The following TREM2 variants were observed in gnomAD, a reference collection of about 807,000 sequenced individuals.
The protein encoded by TREM2 is triggering receptor expressed on monocytes 2.
TREM2 carries 20 observed loss-of-function variants against 22.9 expected under a neutral mutation model. The ratio of observed to expected loss-of-function variants is 0.87; its 90% CI spans 0.61 to 1.27. The LOEUF (loss-of-function observed/expected upper bound fraction) is 1.27. Among genes scored for constraint, TREM2 ranks in the 50% most tolerant of loss-of-function variants. The pLI, the probability that TREM2 is intolerant of heterozygous loss-of-function variation, is 0.00. For synonymous variants in TREM2, 111 were observed against 120.9 expected, an observed-to-expected ratio of 0.92 and a Z score of 0.54; for missense variants, 267 against 289.0, an observed-to-expected ratio of 0.92 and a Z score of 0.55.
At position 41,159,040 on chromosome 6, in the gene TREM2, A is replaced by G; in HGVS notation, c.509T>C (p.Phe170Ser). The G allele has an allele frequency of 1.2e-6, 2 of 1,613,880 alleles. No homozygotes were observed. Among genetic ancestry groups the G allele is most frequent in the Middle Eastern group, 1.7e-4 (1 of 6,030 alleles). Residue 170 changes from phenylalanine to serine, a missense_variant, in exon 4 of 5, where the codon TTC becomes TCC. Transcript: ENST00000373113. ...SRSLLEGEIP[F>S]PPTSILLLLA... ...GAGGAGAAGGATGGAAGTGGGTGGG[A>G]AGGGGATTTCTCCTTCCAAGAGGCT...
At chr6:41,159,923 T>G in intron 2 of TREM2, 41 bp from the exon 3 acceptor site, 1 of 1,559,112 alleles carries the variant, frequency 6.4e-7, no homozygotes, top group Non-Finnish European at 8.8e-7. Flanking sequence ...CCCTTCCTCC[T>G]CGAGGCAGGG....
intron 3 of TREM2, among the ~76,000 whole-genome samples, chr6:41,159,434 G>A (rs1017190081): frequency 2.0e-5 from 3 of 152,208 alleles, no homozygotes; most frequent in Non-Finnish European, 4.4e-5. Context: ...TACCAATGAA[G>A]CAGAGATCTG....
intron 1 of TREM2, 90 bp downstream of exon 1, chr6:41,162,953 A>G: frequency 6.3e-7 from 1 of 1,580,054 alleles, no homozygotes; most frequent in East Asian, 2.2e-5. Context: ...CACCGCCTTC[A>G]TAATTCACCC....
chr6:41,159,139 G>T, intron 3 of TREM2, 73 bp from the exon 4 acceptor site: 1 of 1,538,260 alleles, frequency 6.5e-7, no homozygotes, highest in South Asian at 1.2e-5. Flanking sequence ...AGGGAATGGG[G>T]AGAAACCAGG....
chr6:41,159,629 C>T (rs1199969419), intron 3 of TREM2, among the ~76,000 whole-genome samples, 163 bp downstream of exon 3: 1 of 152,172 alleles, frequency 6.6e-6, no homozygotes, highest in Non-Finnish European at 1.5e-5. Flanking sequence ...AACTAACTAA[C>T]ATGTAGCAGC....
intron 2 of TREM2, among the ~76,000 whole-genome samples, chr6:41,160,821 G>C (rs775934911): frequency 4.6e-5 from 7 of 152,212 alleles, no homozygotes; most frequent in Non-Finnish European, 1.0e-4. Context: ...TTCTGCACCA[G>C]GTTGGTGCTT....
chr6:41,158,706 C>G lies in TREM2; in HGVS notation c.*58G>C. 6.2e-7 allele frequency: 1 copy of G among 1,614,208 alleles called. No homozygotes were observed. The highest frequency in any genetic ancestry group is 8.5e-7 in the Non-Finnish European group (1 of 1,180,034). On this transcript the variant is annotated 3_prime_UTR_variant, in exon 5 of 5. Coordinates refer to ENST00000373113, the MANE Select transcript of TREM2 (RefSeq NM_018965.4). ...TCCTGGTGGCCAAGTGGCAAGTATG[C>G]AGGCTGGGCTGGTCCCTGGTGGGAC... is the stretch of plus-strand genomic sequence containing the variant.
chr6:41,161,137 A>C, intron 2 of TREM2, 126 bp downstream of exon 2: 1 of 874,000 alleles, frequency 1.1e-6, no homozygotes, highest in Admixed American at 2.1e-5. Flanking sequence ...CTGAGTAGGG[A>C]GATGAGACCA....
At position 41,159,172 on chromosome 6, in the gene TREM2, C is replaced by T. The variant is rs141985285; in HGVS notation, c.483-106G>A. ...AGGAGCTTCTAGGACCTCAGCAAATCCCACCCAGCACCATCCCTGGGATGG... is the reference window on the plus strand; with the variant it reads ...AGGAGCTTCTAGGACCTCAGCAAATTCCACCCAGCACCATCCCTGGGATGG... On this transcript the variant is annotated intron_variant, in intron 3 of 4. Coordinates refer to ENST00000373113, the MANE Select transcript of TREM2 (RefSeq NM_018965.4). 16,514 of 1,399,238 alleles carry T rather than the reference C, an allele frequency of 0.012. 117 individuals are homozygous for T. Among genetic ancestry groups the T allele is most frequent in the Middle Eastern group, 0.016 (67 of 4,104 alleles). The allele number at this position is 1,399,238 out of a possible 1,614,324, so 86.7% of individuals were successfully genotyped here.
rs1765483039 is a variant in TREM2 at position 41,158,796 on chromosome 6, G to A, written c.677-16C>T. The stretch of plus-strand genomic sequence containing the variant: ...TCTCTCAGCCCTGCAATAGTCCAAG[G>A]ACTCATGTGGCCCCTCTCGGCACCG... On this transcript the variant is annotated splice_polypyrimidine_tract_variant and intron_variant, in intron 4 of 4. Transcript: ENST00000373113. 6.2e-7 allele frequency: 1 copy of A among 1,614,038 alleles called. No homozygotes were observed. Among genetic ancestry groups the A allele is most frequent in the East Asian group, 2.2e-5 (1 of 44,884 alleles).
chr6:41,160,538 G>A (rs1765535380), intron 2 of TREM2, among the ~76,000 whole-genome samples: 1 of 152,066 alleles, frequency 6.6e-6, no homozygotes, highest in South Asian at 2.1e-4. Flanking sequence ...TTCCTGGAGG[G>A]TGGTCCCTGC....
In TREM2 at chr6:41,159,727, A is replaced by C. The variant is rs1178832243; in HGVS notation, c.482+65T>G. On this transcript the variant is annotated intron_variant, in intron 3 of 4. Transcript: ENST00000373113. ...TTGTAGTTCAGGATGCCCAGCCCCC[A>C]CCCCCGTGGGGCTCTGCAGGGTGGA... 2.7e-6 allele frequency: 4 copies of C among 1,482,896 alleles called. No individual in the cohort carries two copies. The South Asian group carries it at 4.5e-5, about 17-fold the overall frequency. 91.9% of individuals were successfully genotyped at this position (1,482,896 alleles called of 1,614,324 possible). A position where few individuals can be genotyped will look rare whatever the true frequency, so the allele number is the denominator to read the frequency against.
chr6:41,160,789 G>A (rs921529718), intron 2 of TREM2, among the ~76,000 whole-genome samples: 3 of 152,342 alleles, frequency 2.0e-5, no homozygotes, highest in Middle Eastern at 3.4e-3. Flanking sequence ...AGCACAAGCA[G>A]TGTTCCTTTC....
At position 41,159,560 on chromosome 6, in the gene TREM2, G is replaced by C. The variant is rs1350318604; in HGVS notation, c.482+232C>G. Among the ~76,000 whole-genome samples, 3 of 152,156 alleles carry C rather than the reference G, an allele frequency of 2.0e-5. No homozygotes were observed. In the East Asian group the frequency reaches 5.8e-4, roughly 29 times the overall value. Reference sequence around the variant, plus strand: ...GATATTCAGGAGTCGTAGAGCAACTGCTCTTTACAAAGCATTATGGAAGTC... The same window carrying C: ...GATATTCAGGAGTCGTAGAGCAACTCCTCTTTACAAAGCATTATGGAAGTC... On this transcript the variant is annotated intron_variant, in intron 3 of 4. Coordinates refer to ENST00000373113, the MANE Select transcript of TREM2 (RefSeq NM_018965.4).
chr6:41,160,740 T>C (rs1765542685), intron 2 of TREM2, among the ~76,000 whole-genome samples: 1 of 151,994 alleles, frequency 6.6e-6, no homozygotes, highest in Non-Finnish European at 1.5e-5. Flanking sequence ...CATTTACAGA[T>C]GAGAGAATGG....
chr6:41,163,115 G>C lies in TREM2; in HGVS notation c.-33C>G, dbSNP rs1396914383. On this transcript the variant is annotated 5_prime_UTR_variant, in exon 1 of 5. Transcript: ENST00000373113. ...TTCCCCAGCCAAGGGCAGAAGCAGA[G>C]TGCCTTGTGCAAGATCTCGTCTTTC... The C allele has an allele frequency of 9.3e-6, 15 of 1,613,128 alleles. No individual in the cohort carries two copies. Among genetic ancestry groups the C allele is most frequent in the African/African-American group, 1.3e-5 (1 of 74,910 alleles).
chr6:41,159,200 C>G, intron 3 of TREM2, 134 bp from the exon 4 acceptor site: 2 of 1,077,072 alleles, frequency 1.9e-6, no homozygotes, highest in South Asian at 2.8e-5. Flanking sequence ...TGGGATGGGC[C>G]TTTTTGGAGC....
chr6:41,162,682 G>C (rs1366452959), intron 1 of TREM2, among the ~76,000 whole-genome samples: 1 of 152,066 alleles, frequency 6.6e-6, no homozygotes, highest in African/African-American at 2.4e-5. Flanking sequence ...CTCATAATTA[G>C]TGGCTTATAA....
intron 2 of TREM2, among the ~76,000 whole-genome samples, chr6:41,160,548 C>T (rs546404963): frequency 1.3e-5 from 2 of 152,106 alleles, no homozygotes; most frequent in Middle Eastern, 3.4e-3. Context: ...GTGGTCCCTG[C>T]GCAGAGCTCG....
Sources: gnomAD v4.1 joint callset for allele counts (sites outside exome capture counted in the v4.1 genomes callset) on GRCh38, gnomAD v4.1.1 for gene constraint, MANE v1.5 for transcripts, NCBI Gene and HGNC (gene_info 2026-07-23, HGNC 2026-07-21) for gene names.